Variants in SSX2IP observed in about 807,000 individuals in gnomAD.
SSX2IP encodes afadin- and alpha-actinin-binding protein.
In SSX2IP, 55 loss-of-function variants were observed where a neutral mutation model predicts 84.9. The ratio of observed to expected loss-of-function variants is 0.65; its 90% CI spans 0.52 to 0.81. The LOEUF is 0.81. Ranked by LOEUF, SSX2IP falls within the 30% of genes least tolerant of loss-of-function variation. The probability of loss-of-function intolerance (pLI) is 0.00; values close to 1 mark genes in which losing one functional copy is unlikely to be tolerated. For missense variants in SSX2IP, 664 were observed against 705.2 expected (o/e 0.94, Z 0.66); for synonymous variants, 239 against 234.7 (o/e 1.02, Z -0.17).
chr1:84,689,262 G>A (rs186843828), intron 1 of SSX2IP, among the ~76,000 whole-genome samples: 1 of 152,224 alleles, frequency 6.6e-6, no homozygotes, highest in East Asian at 1.9e-4. Flanking sequence ...TCCTAAATGA[G>A]TCAACTCATA....
intron 5 of SSX2IP, among the ~76,000 whole-genome samples, chr1:84,665,123 A>T (rs1416136184): frequency 6.6e-6 from 1 of 152,070 alleles, no homozygotes; most frequent in African/African-American, 2.4e-5. Context: ...TTCTCAGGCA[A>T]CTCCTGACAG....
At chr1:84,686,986 C>CAA (rs898423089) in intron 1 of SSX2IP, among the ~76,000 whole-genome samples, 1 of 146,258 alleles carries the variant, frequency 6.8e-6, no homozygotes, top group African/African-American at 2.5e-5. Context: ...TCTAGCATGA[C>CAA]AAAAAAAAAA....
intron 1 of SSX2IP, among the ~76,000 whole-genome samples, chr1:84,685,941 G>A (rs1206190501): frequency 2.0e-5 from 3 of 152,194 alleles, no homozygotes; most frequent in South Asian, 2.1e-4. Flanking sequence ...GGCAGTGGCT[G>A]GAACCCATCT....
chr1:84,673,808 A>G (rs763041468), intron 1 of SSX2IP, among the ~76,000 whole-genome samples: 10 of 152,214 alleles, frequency 6.6e-5, no homozygotes, highest in Non-Finnish European at 1.3e-4. Context: ...AATATATACT[A>G]AGACAGATGA....
intron 12 of SSX2IP, among the ~76,000 whole-genome samples, chr1:84,651,556 C>T (rs1016783005): frequency 6.6e-6 from 1 of 151,822 alleles, no homozygotes; most frequent in African/African-American, 2.4e-5. Context: ...GGTAAAAACC[C>T]GTCTCTACTA....
rs1305186635 is a variant in SSX2IP, at chr1:84,646,176, T to C, written c.*1257A>G. ...AGGGTTGGATCTGTGCAGGCTTCTATGTACAGAGACAAGCAGGGTTAGGCA... is the reference window on the plus strand; with the variant it reads ...AGGGTTGGATCTGTGCAGGCTTCTACGTACAGAGACAAGCAGGGTTAGGCA... On this transcript the variant is annotated 3_prime_UTR_variant, in exon 14 of 14. Coordinates refer to ENST00000342203, the MANE Select transcript of SSX2IP (RefSeq NM_001166293.2). The C allele has an allele frequency of 1.3e-5, 2 of 152,590 alleles. No homozygotes were observed. Among genetic ancestry groups the C allele is most frequent in the African/African-American group, 2.4e-5 (1 of 41,436 alleles). 9.5% of individuals were successfully genotyped at this position (152,590 alleles called of 1,614,324 possible). A position where few individuals can be genotyped will look rare whatever the true frequency, so the allele number is the denominator to read the frequency against.
intron 6 of SSX2IP, among the ~76,000 whole-genome samples, chr1:84,664,091 T>C (rs1401045317): frequency 6.6e-6 from 1 of 152,188 alleles, no homozygotes; most frequent in Non-Finnish European, 1.5e-5. Flanking sequence ...CTTCTTTTGA[T>C]ACTCAGAAAC....
At chr1:84,660,811 G>A (rs961226424) in intron 8 of SSX2IP, among the ~76,000 whole-genome samples, 1 of 150,800 alleles carries the variant, frequency 6.6e-6, no homozygotes, top group Non-Finnish European at 1.5e-5. Context: ...CTAGCACTTT[G>A]GGAGGCTGAG....
chr1:84,685,979 T>C (rs999795499), intron 1 of SSX2IP, among the ~76,000 whole-genome samples: 10 of 152,208 alleles, frequency 6.6e-5, no homozygotes, highest in Non-Finnish European at 1.5e-5. Context: ...CTTTACACTA[T>C]TTAGGCTCTA....
In SSX2IP at chr1:84,650,436, T is replaced by G. The variant is rs769552968; in HGVS notation, c.1596A>C (p.Lys532Asn). 6.2e-7 allele frequency: 1 copy of G among 1,614,136 alleles called. No individual in the cohort carries two copies. Among genetic ancestry groups the G allele is most frequent in the Non-Finnish European group, 8.5e-7 (1 of 1,180,024 alleles). ...GTGAAGCAGGAAGAGATTTAGTAAG[T>G]TTAGACATGCAAACTGGAGACCCAT... ...VSNGSPVCMS[K>N]LTKSLPASPS... The change falls in exon 13 of 14, where the codon AAA (lysine) becomes AAC (asparagine). Residue 532 changes from lysine to asparagine, a missense_variant. Lys to Asn is a moderately conservative substitution (Grantham distance 94, BLOSUM62 0). Transcript: ENST00000342203.
rs1411284083 is a variant in SSX2IP at position 84,645,631 on chromosome 1, A to G, written c.*1802T>C. On this transcript the variant is annotated 3_prime_UTR_variant, in exon 14 of 14. Transcript: ENST00000342203. The stretch of plus-strand genomic sequence containing the variant: ...GTACACCATGGAAAACCCTCGGGGG[A>G]AAATTGTTGCCAAATGTATCCATTA... The G allele has an allele frequency of 1.3e-5, 2 of 152,156 alleles. No homozygotes were observed. Among genetic ancestry groups the G allele is most frequent in the African/African-American group, 4.8e-5 (2 of 41,448 alleles). The allele number at this position is 152,156 out of a possible 1,614,324, so 9.4% of individuals were successfully genotyped here. A position where few individuals can be genotyped will look rare whatever the true frequency, so the allele number is the denominator to read the frequency against.
At chr1:84,661,025 C>A (rs757924363) in intron 8 of SSX2IP, among the ~76,000 whole-genome samples, 21 of 145,650 alleles carry the variant, frequency 1.4e-4, no homozygotes, top group Non-Finnish European at 2.7e-4. Context: ...CGAGATTGTG[C>A]CACTGCGCTC....
At chr1:84,659,662 G>A (rs868039201) in intron 8 of SSX2IP, among the ~76,000 whole-genome samples, 4 of 151,792 alleles carry the variant, frequency 2.6e-5, no homozygotes, top group African/African-American at 7.3e-5. Flanking sequence ...GTTGGGCGTG[G>A]TGGTGCATGC....
chr1:84,650,861 T>C (rs1650136114), intron 12 of SSX2IP, among the ~76,000 whole-genome samples: 1 of 152,008 alleles, frequency 6.6e-6, no homozygotes, highest in South Asian at 2.1e-4. Context: ...CCCGCCACCA[T>C]GCCTGGCTAA....
chr1:84,652,023 T>C, intron 11 of SSX2IP, 26 bp from the exon 12 acceptor site: 3 of 1,537,080 alleles, frequency 2.0e-6, no homozygotes, highest in Non-Finnish European at 2.7e-6. Flanking sequence ...AAAGAAATAA[T>C]GATCAATATT....
At chr1:84,650,676 C>A in intron 12 of SSX2IP, 149 bp from the exon 13 acceptor site, 1 of 882,222 alleles carries the variant, frequency 1.1e-6, no homozygotes, top group Non-Finnish European at 1.8e-6. Flanking sequence ...TCTTGCTTAT[C>A]TTTGTTGCAT....
chr1:84,657,571 A>T (rs977587630), intron 9 of SSX2IP, among the ~76,000 whole-genome samples: 1 of 151,904 alleles, frequency 6.6e-6, no homozygotes, highest in African/African-American at 2.4e-5. Context: ...AGTAAAAGAG[A>T]CTCAGTTTTC....
At chr1:84,686,724 G>GGAGAAGACTTTTA (rs1655851054) in intron 1 of SSX2IP, among the ~76,000 whole-genome samples, 1 of 152,156 alleles carries the variant, frequency 6.6e-6, no homozygotes, top group African/African-American at 2.4e-5. Context: ...GAAAGCCAAG[G>GGAGAAGACTTTTA]GAGAAGACTT....
In SSX2IP at chr1:84,671,270, T is replaced by C. The variant is rs781400090; in HGVS notation, c.-51A>G. The C allele has an allele frequency of 3.7e-6, 6 of 1,600,694 alleles. No homozygotes were observed. Among genetic ancestry groups the C allele is most frequent in the Non-Finnish European group, 3.4e-6 (4 of 1,174,218 alleles). The stretch of plus-strand genomic sequence containing the variant: ...GAGGAACTAGTTCAGCAGTTAAACA[T>C]TTAGTCTAGCTGCTGTCACTCTTCT... On this transcript the variant is annotated 5_prime_UTR_variant, in exon 2 of 14. An upstream start codon of the reference 5' UTR is lost. Coordinates refer to ENST00000342203, the MANE Select transcript of SSX2IP (RefSeq NM_001166293.2).
Sources: gnomAD v4.1 joint callset for allele counts (sites outside exome capture counted in the v4.1 genomes callset) on GRCh38, gnomAD v4.1.1 for gene constraint, MANE v1.5 for transcripts, NCBI Gene and HGNC (gene_info 2026-07-23, HGNC 2026-07-21) for gene names.